The following GRIP1 variants were observed in gnomAD, a reference collection of about 807,000 sequenced individuals.
GRIP1 encodes glutamate receptor interacting protein 1.
A neutral mutation model predicts 129.9 loss-of-function variants in GRIP1; 45 were observed. The ratio of observed to expected loss-of-function variants is 0.35; its 90% CI spans 0.27 to 0.44. The LOEUF (loss-of-function observed/expected upper bound fraction) is 0.44, where lower values mean the gene tolerates loss of function less well. GRIP1 is among the 20% of genes least tolerant of loss of function. The probability of loss-of-function intolerance (pLI) is 1.00; values close to 1 mark genes in which losing one functional copy is unlikely to be tolerated. For synonymous variants in GRIP1, 530 were observed against 520.8 expected (o/e 1.02, Z -0.24); for missense variants, 1,196 against 1,396.8 (o/e 0.86, Z 2.29).
At position 66,960,032 on chromosome 12, in the gene GRIP1, G is replaced by A. The variant is rs573417823; in HGVS notation, c.58+109018C>T. ...TCTAGTCATGTGCAGAGACATGGAT[G>A]TAGGAAGAAATATATGGTATGTTTA... On this transcript the variant is annotated intron_variant, in intron 1 of 1. Coordinates refer to the GRIP1 transcript ENST00000643019. 2.6e-5 allele frequency among the ~76,000 whole-genome samples: 4 copies of A among 152,268 alleles called. No individual in the cohort carries two copies. In the South Asian group the frequency reaches 8.3e-4, roughly 32 times the overall value.
chr12:66,771,669 T>C (rs2037822771), intron 1 of GRIP1, among the ~76,000 whole-genome samples: 1 of 152,216 alleles, frequency 6.6e-6, no homozygotes, highest in South Asian at 2.1e-4. Flanking sequence ...ACAAATGACC[T>C]GGCTTTTCAG....
At chr12:66,823,273 C>T (rs1052740697) in intron 1 of GRIP1, among the ~76,000 whole-genome samples, 9 of 152,198 alleles carry the variant, frequency 5.9e-5, no homozygotes, top group African/African-American at 1.9e-4. Flanking sequence ...ATTAAGATAG[C>T]ATTGTAAAGA....
intron 24 of GRIP1, among the ~76,000 whole-genome samples, chr12:66,350,329 C>T (rs902491392): frequency 6.6e-6 from 1 of 152,068 alleles, no homozygotes; most frequent in Non-Finnish European, 1.5e-5. Context: ...GAAACTCCAT[C>T]TCTACTAGAA....
chr12:66,879,913 A>G (rs919514195), intron 1 of GRIP1, among the ~76,000 whole-genome samples: 37 of 152,100 alleles, frequency 2.4e-4, no homozygotes, highest in Non-Finnish European at 3.5e-4. Flanking sequence ...TCTAAGGTCC[A>G]GATGCCAGAG....
intron 14 of GRIP1, among the ~76,000 whole-genome samples, chr12:66,427,095 G>C (rs1298624540): frequency 2.0e-5 from 3 of 152,114 alleles, no homozygotes; most frequent in Non-Finnish European, 4.4e-5. Flanking sequence ...TCCATCAAAT[G>C]TACTTCCCGA....
At chr12:66,745,328 C>G (rs78171575) in intron 1 of GRIP1, among the ~76,000 whole-genome samples, 1 of 152,080 alleles carries the variant, frequency 6.6e-6, no homozygotes. Flanking sequence ...TGAATCAAAG[C>G]TGAAGAAAGA....
intron 1 of GRIP1, among the ~76,000 whole-genome samples, chr12:66,869,406 T>C (rs760031551): frequency 6.6e-6 from 1 of 152,060 alleles, no homozygotes; most frequent in Non-Finnish European, 1.5e-5. Flanking sequence ...GGTGAAACGT[T>C]TGATCAAGGG....
At chr12:66,385,247 T>G (rs899396865) in intron 19 of GRIP1, among the ~76,000 whole-genome samples, 2 of 152,114 alleles carry the variant, frequency 1.3e-5, no homozygotes, top group Non-Finnish European at 2.9e-5. Flanking sequence ...CCAGGCACGG[T>G]GGCTCAGGCA....
chr12:66,359,752 A>G (rs568426364), intron 23 of GRIP1, among the ~76,000 whole-genome samples: 2 of 152,332 alleles, frequency 1.3e-5, no homozygotes, highest in East Asian at 3.9e-4. Context: ...AACAAAAATA[A>G]AATTATTTTA....
Position 66,453,129 on chromosome 12 carries a change from C to T in GRIP1, c.1354+2280G>A, listed in dbSNP as rs980991452. ...GTCCTGATTCAAGAGAGAATTTATG[C>T]GTTGGTTATGCATATCAGTGACAGC... On this transcript the variant is annotated intron_variant, in intron 11 of 24. Coordinates refer to ENST00000359742, the MANE Select transcript of GRIP1 (RefSeq NM_001366722.1). Among the ~76,000 whole-genome samples, 4 of 152,138 alleles carry T rather than the reference C, an allele frequency of 2.6e-5. No individual in the cohort carries two copies. The South Asian group carries it at 8.3e-4, about 32-fold the overall frequency.
At chr12:66,379,974 C>T (rs113603734) in intron 19 of GRIP1, among the ~76,000 whole-genome samples, 4,818 of 152,140 alleles carry the variant, frequency 0.032, 271 homozygotes, top group African/African-American at 0.11. Flanking sequence ...GGTACGATCT[C>T]GCCCCACCAC....
chr12:66,990,387 T>C (rs1302255040), intron 1 of GRIP1, among the ~76,000 whole-genome samples: 4 of 152,238 alleles, frequency 2.6e-5, no homozygotes, highest in African/African-American at 9.6e-5. Flanking sequence ...TATTTAACAC[T>C]GACTAGGTTC....
At chr12:66,495,161 C>A (rs1477114072) in intron 7 of GRIP1, among the ~76,000 whole-genome samples, 4 of 152,180 alleles carry the variant, frequency 2.6e-5, no homozygotes, top group Admixed American at 2.6e-4. Context: ...TGAAAAATTA[C>A]TTTCTTTACT....
At chr12:66,583,479 A>T (rs1461743934) in intron 2 of GRIP1, among the ~76,000 whole-genome samples, 1 of 127,508 alleles carries the variant, frequency 7.8e-6, no homozygotes, top group African/African-American at 3.0e-5. Context: ...CAACCTACAA[A>T]ATGGGAGAAA....
At position 66,941,126 on chromosome 12, in the gene GRIP1, ACACGTT is replaced by A. The variant is rs561147956; in HGVS notation, c.58+127918_58+127923del. On this transcript the variant is annotated intron_variant, in intron 1 of 1. Transcript: ENST00000643019. ...TAGTAAAAGCAAGTAGGCCTTAACAACACGTTCAATGAGACTGTATATTAATTCATG... is the reference window on the plus strand; with the variant it reads ...TAGTAAAAGCAAGTAGGCCTTAACAACAATGAGACTGTATATTAATTCATG... Among the ~76,000 whole-genome samples the A allele has an allele frequency of 1.2e-4, 18 of 152,228 alleles. No homozygotes were observed. In the South Asian group the frequency reaches 3.5e-3, roughly 30 times the overall value.
intron 1 of GRIP1, among the ~76,000 whole-genome samples, chr12:66,931,936 C>T (rs1401499239): frequency 6.6e-6 from 1 of 152,096 alleles, no homozygotes; most frequent in Non-Finnish European, 1.5e-5. Context: ...ACCAAACAAA[C>T]ATTTGTATGG....
intron 1 of GRIP1, among the ~76,000 whole-genome samples, chr12:66,718,307 C>T (rs927877223): frequency 1.3e-5 from 2 of 152,150 alleles, no homozygotes; most frequent in African/African-American, 4.8e-5. Flanking sequence ...AAAACCTCCT[C>T]TAACTCCCTC....
At chr12:66,398,713 A>G (rs914848609) in intron 16 of GRIP1, among the ~76,000 whole-genome samples, 4 of 152,008 alleles carry the variant, frequency 2.6e-5, no homozygotes, top group African/African-American at 9.7e-5. Flanking sequence ...GAGAAGTTAA[A>G]TATTAAGGAC....
chr12:66,807,147 G>C (rs1447816228), upstream of GRIP1, among the ~76,000 whole-genome samples: 1 of 152,054 alleles, frequency 6.6e-6, no homozygotes, highest in Non-Finnish European at 1.5e-5. Context: ...GGGTGGCGGA[G>C]GTAAACGAGA....
Sources: gnomAD v4.1 joint callset for allele counts (sites outside exome capture counted in the v4.1 genomes callset) on GRCh38, gnomAD v4.1.1 for gene constraint, MANE v1.5 for transcripts, NCBI Gene and HGNC (gene_info 2026-07-23, HGNC 2026-07-21) for gene names.